GRIPAP1: variants seen among roughly 807,000 people sequenced by gnomAD.
The protein encoded by GRIPAP1 is GRIP1 associated protein 1.
A neutral mutation model predicts 84.1 loss-of-function variants in GRIPAP1; 14 were observed. The ratio of observed to expected loss-of-function variants is 0.17; its 90% CI spans 0.11 to 0.26. The LOEUF (loss-of-function observed/expected upper bound fraction) is 0.26. Ranked by LOEUF, GRIPAP1 falls within the 10% of genes least tolerant of loss-of-function variation. The pLI is 1.00. For synonymous variants in GRIPAP1, 261 were observed against 256.8 expected (o/e 1.02, Z -0.15); for missense variants, 518 against 674.2 (o/e 0.77, Z 2.57).
intron 5 of GRIPAP1, among the ~76,000 whole-genome samples, chrX:48,994,227 T>C (rs1362568458): frequency 3.0e-4 from 30 of 100,444 alleles, no homozygotes; most frequent in East Asian, 1.2e-3. Flanking sequence ...TTCTTTTTTT[T>C]TTTTTTTTTT....
At chrX:48,982,717 G>A (rs782220327) in intron 17 of GRIPAP1, among the ~76,000 whole-genome samples, 18 of 112,549 alleles carry the variant, frequency 1.6e-4, no homozygotes, top group East Asian at 1.4e-3. Flanking sequence ...TTAATTTCCT[G>A]ACAGAAGTAC....
chrX:48,975,226 G>A lies in GRIPAP1; in HGVS notation c.2362C>T (p.Leu788Phe). 1 of 1,210,636 alleles carries A rather than the reference G, an allele frequency of 8.3e-7. No individual in the cohort carries two copies. The highest frequency in any genetic ancestry group is 1.1e-6 in the Non-Finnish European group (1 of 894,632). Residue 788 changes from leucine to phenylalanine, a missense_variant, in exon 25 of 26, where the codon CTT becomes TTT. This residue lies in a region of GRIPAP1 where 32 missense variants were observed against 82.4 expected (regional missense o/e 0.39). Coordinates refer to ENST00000376423, the MANE Select transcript of GRIPAP1 (RefSeq NM_020137.5). ...RDLVKPGDEN[L>F]REMNKKLQNM... ...TGCAGCTTCTTGTTCATCTCCCGAA[G>A]GTTCTCGTCACCTGGCTTCACTAGG...
At chrX:48,983,924 A>C in intron 14 of GRIPAP1, 54 bp from the exon 15 acceptor site, 2 of 729,686 alleles carry the variant, frequency 2.7e-6, no homozygotes, top group Non-Finnish European at 4.4e-6. Flanking sequence ...AGTAGGTGCT[A>C]GTCACCCAGG....
chrX:48,992,933 G>T (rs1218258618), intron 6 of GRIPAP1, among the ~76,000 whole-genome samples: 2 of 110,366 alleles, frequency 1.8e-5, no homozygotes, highest in Non-Finnish European at 3.8e-5. Context: ...CCATTCTCCT[G>T]CCTCAGCCTC....
chrX:48,983,137 G>A (rs1602470487), intron 16 of GRIPAP1, 45 bp from the exon 17 acceptor site: 1 of 1,108,819 alleles, frequency 9.0e-7, no homozygotes, highest in East Asian at 3.0e-5. Flanking sequence ...CAGAGGAGCG[G>A]GCACCTGATG....
At position 49,002,208 on chromosome X, in the gene GRIPAP1, C is replaced by T. The variant is rs2147754202; in HGVS notation, c.22G>A (p.Glu8Lys). 8.5e-7 allele frequency: 1 copy of T among 1,178,285 alleles called. No individual in the cohort carries two copies. The change falls in exon 1 of 26, where the codon GAG becomes AAG. Residue 8 changes from glutamate (E) to lysine (K), a missense_variant. Glu to Lys is a moderately conservative substitution (Grantham distance 56, BLOSUM62 1). This residue lies in a region of GRIPAP1 where 372 missense variants were observed against 458.1 expected (regional missense o/e 0.81). Coordinates refer to ENST00000376423, the MANE Select transcript of GRIPAP1 (RefSeq NM_020137.5). Reference protein sequence around the residue: MAQALSEEEFQRMQAQLL... With the variant: MAQALSEKEFQRMQAQLL... ...GGCACCTGCATCCGCTGAAACTCCTCCTCAGACAGAGCTTGCGCCATGTTC... is the reference window on the plus strand; with the variant it reads ...GGCACCTGCATCCGCTGAAACTCCTTCTCAGACAGAGCTTGCGCCATGTTC...
chrX:48,992,654 A>G (rs782740331), intron 6 of GRIPAP1, among the ~76,000 whole-genome samples: 1 of 110,944 alleles, frequency 9.0e-6, no homozygotes, highest in Non-Finnish European at 1.9e-5. Context: ...CCTCCTGGTC[A>G]TGGAACCAGC....
rs782738127 is a variant in GRIPAP1, at chrX:48,999,332, A to G, written c.110-33T>C. The stretch of plus-strand genomic sequence containing the variant: ...CGGGAAAGCAGGGAAACTCAGCCTC[A>G]GCCAGTGGCAAGAAACTGAAAGGCC... On this transcript the variant is annotated intron_variant, in intron 2 of 25. Transcript: ENST00000376423. 15 of 1,168,394 alleles carry G rather than the reference A, an allele frequency of 1.3e-5. No individual in the cohort carries two copies. The South Asian group carries it at 2.5e-4, about 20-fold the overall frequency.
At chrX:48,978,623 C>G (rs1183178103) in intron 21 of GRIPAP1, among the ~76,000 whole-genome samples, 188 bp from the exon 22 acceptor site, 1 of 111,292 alleles carries the variant, frequency 9.0e-6, no homozygotes, top group Admixed American at 9.6e-5. Context: ...GCTGGGCGCA[C>G]TGGCTCACAC....
chrX:48,997,181 C>T lies in GRIPAP1; in HGVS notation c.306+69G>A, dbSNP rs781787897. 139 of 606,014 alleles carry T rather than the reference C, an allele frequency of 2.3e-4. No individual in the cohort carries two copies. The East Asian group carries it at 4.3e-3, about 19-fold the overall frequency. The allele number at this position is 606,014 out of a possible 1,213,427, so 49.9% of individuals were successfully genotyped here. ...CAGACCCTGTCCAATCACTCTCTGC[C>T]GCTGTTAGGTTTCAGCCCAGATGAC... On this transcript the variant is annotated intron_variant, in intron 5 of 25. Transcript: ENST00000376423.
At chrX:48,979,680 C>T (rs933180087) in intron 21 of GRIPAP1, among the ~76,000 whole-genome samples, 12 of 105,100 alleles carry the variant, frequency 1.1e-4, no homozygotes, top group African/African-American at 3.1e-4. Flanking sequence ...GGCGCAATCT[C>T]GGCTCACTGC....
chrX:48,992,334 T>C (rs1399380701), intron 6 of GRIPAP1, among the ~76,000 whole-genome samples: 2 of 112,141 alleles, frequency 1.8e-5, no homozygotes, highest in Non-Finnish European at 3.8e-5. Context: ...TACACACAAG[T>C]TCCTGCTATG....
chrX:48,985,237 G>C (rs2064480729), intron 14 of GRIPAP1, 31 bp downstream of exon 14: 18 of 1,186,092 alleles, frequency 1.5e-5, no homozygotes, highest in Non-Finnish European at 1.5e-5. Flanking sequence ...TAGGGAACTA[G>C]GAAGAGACAG....
In GRIPAP1 at chrX:48,997,454, G is replaced by A. The variant is rs2064553648; in HGVS notation, c.199-97C>T. 5 of 536,194 alleles carry A rather than the reference G, an allele frequency of 9.3e-6. No individual in the cohort carries two copies. The Admixed American group carries it at 1.4e-4, about 15-fold the overall frequency. The allele number at this position is 536,194 out of a possible 1,213,427, so 44.2% of individuals were successfully genotyped here. A position where few individuals can be genotyped will look rare whatever the true frequency, so the allele number is the denominator to read the frequency against. On this transcript the variant is annotated intron_variant, in intron 4 of 25. Transcript: ENST00000376423. ...GAGAGGGAGAAAATGACATGGGTGG[G>A]AGAGGACATAGGGTACAGAGAATGA...
chrX:48,998,942 T>A (rs1306726034), intron 3 of GRIPAP1: 5 of 297,024 alleles, frequency 1.7e-5, no homozygotes, highest in African/African-American at 1.4e-4. Context: ...GGGAGGCAGA[T>A]TCGAGGTAGA....
At chrX:48,980,910 AGAAAACTAGAGAAAGAAAGCAAG>A (rs1557061910) in intron 21 of GRIPAP1, 46 of 298,064 alleles carry the variant, frequency 1.5e-4, no homozygotes, top group Non-Finnish European at 5.2e-5. Flanking sequence ...AGAGAAAAGG[AGAAAACTAGAGAAAGAAAGCAAG>A]GAGATAAAGG....
At chrX:48,989,404 C>T (rs2064508480) in intron 11 of GRIPAP1, among the ~76,000 whole-genome samples, 1 of 111,143 alleles carries the variant, frequency 9.0e-6, no homozygotes, top group African/African-American at 3.3e-5. Context: ...AAGTCCTTAG[C>T]CCCCTGAGAT....
At chrX:48,997,995 C>T (rs2064556840) in intron 4 of GRIPAP1, 159 bp downstream of exon 4, 2 of 510,730 alleles carry the variant, frequency 3.9e-6, no homozygotes, top group Non-Finnish European at 7.0e-6. Context: ...AGGACAAATA[C>T]AGGGAAACAA....
Position 48,976,000 on chromosome X carries a change from C to T in GRIPAP1, c.2278+18G>A, listed in dbSNP as rs377089700. On this transcript the variant is annotated intron_variant, in intron 24 of 25. Coordinates refer to ENST00000376423, the MANE Select transcript of GRIPAP1 (RefSeq NM_020137.5). ...TGAAGGCTGGACCAGGGCTGAGGGC[C>T]GGGGAGGGGACACTGACCGATCCGG... is the stretch of plus-strand genomic sequence containing the variant. The T allele has an allele frequency of 8.4e-6, 10 of 1,186,617 alleles. No homozygotes were observed. The highest frequency in any genetic ancestry group is 5.3e-5 in the African/African-American group (3 of 56,669).
Sources: allele counts gnomAD v4.1 joint callset (sites outside exome capture counted in the v4.1 genomes callset), GRCh38; gene constraint gnomAD v4.1.1; regional missense constraint gnomAD v4.1.1; transcripts MANE v1.5; gene names NCBI Gene and HGNC (gene_info 2026-07-23, HGNC 2026-07-21).